KLRG1: variants seen among roughly 807,000 people sequenced by gnomAD.
KLRG1 encodes killer cell lectin like receptor G1, also known as killer cell lectin-like receptor subfamily G member 1.
KLRG1 carries 16 observed loss-of-function variants against 21.8 expected under a neutral mutation model. The observed-to-expected ratio is 0.73, with a 90% CI of 0.50 to 1.11. The LOEUF is 1.11. Among genes scored for constraint, KLRG1 ranks in the 50% most tolerant of loss-of-function variants. The pLI is 0.00. For missense variants in KLRG1, 173 were observed against 218.3 expected, an observed-to-expected ratio of 0.79 and a Z score of 1.31; for synonymous variants, 69 against 75.9, an observed-to-expected ratio of 0.91 and a Z score of 0.47.
At chr12:9,097,037 C>T in the KLRG1 span, among the ~76,000 whole-genome samples, 1 of 152,170 alleles carries the variant, frequency 6.6e-6, no homozygotes, top group Admixed American at 6.5e-5. Flanking sequence ...TACTAAATCC[C>T]TGAAAGCTTC....
chr12:9,167,808 T>C, the KLRG1 span, among the ~76,000 whole-genome samples: 1 of 152,084 alleles, frequency 6.6e-6, no homozygotes, highest in Non-Finnish European at 1.5e-5. Context: ...AACATTTCCT[T>C]CCCCCCAAAC....
chr12:9,012,897 G>A (rs574226319), downstream of KLRG1, among the ~76,000 whole-genome samples: 18 of 152,146 alleles, frequency 1.2e-4, no homozygotes, highest in Non-Finnish European at 2.1e-4. Flanking sequence ...AGCCTTGGGC[G>A]AGACCCAGTG....
intron 1 of KLRG1, among the ~76,000 whole-genome samples, chr12:8,978,757 C>T (rs373929963): frequency 6.7e-6 from 1 of 148,994 alleles, no homozygotes; most frequent in East Asian, 1.9e-4. Flanking sequence ...CTCTGTCACC[C>T]AGGCTGGAGT....
At chr12:8,967,728 C>T (rs1241722177) in intron 1 of KLRG1, among the ~76,000 whole-genome samples, 1 of 150,772 alleles carries the variant, frequency 6.6e-6, no homozygotes, top group African/African-American at 2.4e-5. Flanking sequence ...GACCTTGTCT[C>T]AAAAAAAGAA....
the KLRG1 span, chr12:9,151,608 T>C: frequency 6.2e-7 from 1 of 1,613,610 alleles, no homozygotes; most frequent in Non-Finnish European, 8.5e-7. Context: ...CCTCACCTGT[T>C]CCACATAAAT....
chr12:9,009,681 T>A lies in KLRG1; in HGVS notation c.*144T>A. On this transcript the variant is annotated 3_prime_UTR_variant, in exon 5 of 5. Transcript: ENST00000356986. ...ATATGGCATTAGATGCAAGACAACCTCCTAGGGATTGATGCCTAACTGATG... is the reference window on the plus strand; with the variant it reads ...ATATGGCATTAGATGCAAGACAACCACCTAGGGATTGATGCCTAACTGATG... The A allele has an allele frequency of 7.0e-7, 1 of 1,435,118 alleles. No individual in the cohort carries two copies. The highest frequency in any genetic ancestry group is 9.1e-7 in the Non-Finnish European group (1 of 1,098,838). The allele number at this position is 1,435,118 out of a possible 1,614,324, so 88.9% of individuals were successfully genotyped here.
chr12:9,195,386 C>A, the KLRG1 span, among the ~76,000 whole-genome samples: 1 of 151,780 alleles, frequency 6.6e-6, no homozygotes, highest in African/African-American at 2.4e-5. Flanking sequence ...TTCCCTTCCC[C>A]TTCCCCTGGC....
the KLRG1 span, chr12:9,068,794 G>C: frequency 6.2e-7 from 1 of 1,609,084 alleles, no homozygotes; most frequent in South Asian, 1.1e-5. Context: ...TCTCTTACTG[G>C]GACATCTTGC....
the KLRG1 span, among the ~76,000 whole-genome samples, chr12:9,103,202 T>G: frequency 6.6e-6 from 1 of 152,232 alleles, no homozygotes; most frequent in African/African-American, 2.4e-5. Context: ...ATCTAACAGT[T>G]AAAGGGGGCT....
rs550267877 is a variant in KLRG1, at chr12:8,957,171, T to G, written c.-156+6935T>G. Among the ~76,000 whole-genome samples, 40 of 152,362 alleles carry G rather than the reference T, an allele frequency of 2.6e-4. No homozygotes were observed. In the South Asian group the frequency reaches 8.1e-3, roughly 31 times the overall value. ...TCTGTGAACTTGTATGTATCAGTAG[T>G]AGGTTTTGTTTTGTGTTTTGGTGGG... On this transcript the variant is annotated intron_variant, in intron 1 of 4. Transcript: ENST00000539240.
the KLRG1 span, chr12:9,167,021 T>C: frequency 6.6e-6 from 1 of 152,242 alleles, no homozygotes; most frequent in Non-Finnish European, 1.5e-5. Context: ...CTAACAGTTT[T>C]CTCCACTGAA....
the KLRG1 span, chr12:9,076,989 A>C: frequency 6.8e-7 from 1 of 1,480,660 alleles, no homozygotes; most frequent in Non-Finnish European, 9.0e-7. Flanking sequence ...GCATATTAGC[A>C]TTCCCAGGCA....
the KLRG1 span, among the ~76,000 whole-genome samples, chr12:9,127,295 C>T: frequency 6.6e-6 from 1 of 152,138 alleles, no homozygotes; most frequent in Admixed American, 6.5e-5. Flanking sequence ...ATGGACTGTG[C>T]TTTAAATTCT....
chr12:9,203,935 C>A, the KLRG1 span: 1 of 1,613,326 alleles, frequency 6.2e-7, no homozygotes, highest in Admixed American at 1.7e-5. Context: ...AGGGAGGGGA[C>A]CAGCACCATA....
chr12:8,959,070 G>A (rs1311673302), intron 1 of KLRG1, among the ~76,000 whole-genome samples: 1 of 152,132 alleles, frequency 6.6e-6, no homozygotes, highest in Non-Finnish European at 1.5e-5. Context: ...CCATTCTAAT[G>A]TGGGGGCCAA....
chr12:8,959,987 C>T (rs1442964373), intron 1 of KLRG1, among the ~76,000 whole-genome samples: 1 of 152,164 alleles, frequency 6.6e-6, no homozygotes, highest in Non-Finnish European at 1.5e-5. Flanking sequence ...TATTTTCAGA[C>T]TTCTGGATTC....
Position 9,010,392 on chromosome 12 carries a change from A to G in KLRG1, c.*855A>G, listed in dbSNP as rs1461448124. The G allele has an allele frequency of 5.9e-6, 1 of 170,508 alleles. No homozygotes were observed. Among genetic ancestry groups the G allele is most frequent in the Non-Finnish European group, 1.2e-5 (1 of 80,336 alleles). 10.6% of individuals were successfully genotyped at this position (170,508 alleles called of 1,614,324 possible). On this transcript the variant is annotated 3_prime_UTR_variant, in exon 5 of 5. Coordinates refer to ENST00000356986, the MANE Select transcript of KLRG1 (RefSeq NM_005810.4). ...TCCATTATGTGACTGTTTGACCTGC[A>G]TATTAATTTCAAGATAGCAGTCAAT... is the stretch of plus-strand genomic sequence containing the variant.
At chr12:9,109,476 C>T in the KLRG1 span, 1 of 1,155,820 alleles carries the variant, frequency 8.7e-7, no homozygotes, top group East Asian at 2.4e-5. Context: ...TTCAGGTTCC[C>T]TGTAACAGTT....
At chr12:9,012,309 C>T (rs896892255), downstream of KLRG1, among the ~76,000 whole-genome samples, 2 of 152,124 alleles carry the variant, frequency 1.3e-5, no homozygotes, top group Non-Finnish European at 2.9e-5. Flanking sequence ...GGCACCACCA[C>T]GCAGAGTCCT....
Sources: gnomAD v4.1 joint callset for allele counts (sites outside exome capture counted in the v4.1 genomes callset) on GRCh38, gnomAD v4.1.1 for gene constraint, MANE v1.5 for transcripts, NCBI Gene and HGNC (gene_info 2026-07-23, HGNC 2026-07-21) for gene names.